Variants in CSGALNACT1 observed in about 807,000 individuals in gnomAD.
CSGALNACT1 encodes the protein beta4GalNAcT-1.
CSGALNACT1 carries 52 observed loss-of-function variants against 51.0 expected under a neutral mutation model. The ratio of observed to expected loss-of-function variants is 1.02; its 90% confidence interval spans 0.82 to 1.29. The LOEUF is 1.29. CSGALNACT1 is among the 50% of genes most tolerant of loss of function. The probability of loss-of-function intolerance (pLI) is 0.00; values close to 1 mark genes in which losing one functional copy is unlikely to be tolerated. For synonymous variants in CSGALNACT1, 341 were observed against 254.4 expected (o/e 1.34, Z -3.24); for missense variants, 935 against 679.2 (o/e 1.38, Z -4.19).
At chr8:19,756,448 T>C (rs911188376) in intron 1 of CSGALNACT1, among the ~76,000 whole-genome samples, 1 of 152,222 alleles carries the variant, frequency 6.6e-6, no homozygotes, top group Non-Finnish European at 1.5e-5. Flanking sequence ...TTTCTCACCA[T>C]TCTTTGCTCA....
At position 19,711,134 on chromosome 8, in the gene CSGALNACT1, A is replaced by G. The variant is rs376235962; in HGVS notation, c.-297+46716T>C. On this transcript the variant is annotated intron_variant, in intron 1 of 1. Transcript: ENST00000517494. ...AAAGGCAACATAGCTTTAGATTTTT[A>G]TATGTCTTTAAAGGATAATTCATAG... is the stretch of plus-strand genomic sequence containing the variant. Among the ~76,000 whole-genome samples, 29 of 152,290 alleles carry G rather than the reference A, an allele frequency of 1.9e-4. 1 individual carries two copies. In the South Asian group the frequency reaches 6.0e-3, roughly 32 times the overall value.
At chr8:19,423,756 A>T (rs1204408174) in intron 6 of CSGALNACT1, among the ~76,000 whole-genome samples, 1 of 152,204 alleles carries the variant, frequency 6.6e-6, no homozygotes, top group Non-Finnish European at 1.5e-5. Context: ...ATATGGCCTA[A>T]TGCAAAAGGC....
At chr8:19,417,012 TG>T (rs1447463146) in intron 8 of CSGALNACT1, among the ~76,000 whole-genome samples, 1 of 152,116 alleles carries the variant, frequency 6.6e-6, no homozygotes, top group Non-Finnish European at 1.5e-5. Context: ...TGTGCCACTA[TG>T]CACGCCTAAT....
At chr8:19,513,917 A>G (rs1385889255) in intron 3 of CSGALNACT1, among the ~76,000 whole-genome samples, 1 of 152,178 alleles carries the variant, frequency 6.6e-6, no homozygotes, top group Non-Finnish European at 1.5e-5. Flanking sequence ...ACATAACTAT[A>G]CTTTCAAAGA....
chr8:19,720,288 G>C (rs2063048170), intron 1 of CSGALNACT1, among the ~76,000 whole-genome samples: 1 of 152,162 alleles, frequency 6.6e-6, no homozygotes, highest in African/African-American at 2.4e-5. Context: ...TAATAAGAGA[G>C]ATAAATAAGA....
intron 3 of CSGALNACT1, among the ~76,000 whole-genome samples, chr8:19,555,288 G>A (rs966700239): frequency 6.6e-6 from 1 of 151,968 alleles, no homozygotes; most frequent in Admixed American, 6.6e-5. Flanking sequence ...TCAGTTATAG[G>A]AGTTAAAAGC....
At chr8:19,534,198 T>C (rs1363342959) in intron 3 of CSGALNACT1, among the ~76,000 whole-genome samples, 2 of 152,198 alleles carry the variant, frequency 1.3e-5, no homozygotes, top group African/African-American at 4.8e-5. Flanking sequence ...ACATCTGTAA[T>C]TCCAGCACTT....
At chr8:19,656,753 G>C (rs993919658) in intron 1 of CSGALNACT1, among the ~76,000 whole-genome samples, 8 of 152,210 alleles carry the variant, frequency 5.3e-5, no homozygotes, top group African/African-American at 1.9e-4. Context: ...TTTAAAAATA[G>C]CTAAATAGAA....
intron 1 of CSGALNACT1, among the ~76,000 whole-genome samples, chr8:19,627,352 C>T (rs1244400071): frequency 3.3e-5 from 5 of 152,184 alleles, no homozygotes; most frequent in Middle Eastern, 3.4e-3. Context: ...GATGGATCCA[C>T]GGCTGCTGGA....
Position 19,499,206 on chromosome 8 carries a change from T to C in CSGALNACT1, c.634+5995A>G, listed in dbSNP as rs114893345. ...CATATCTTCTAGGAAGCCTGTCCTA[T>C]ACTCTGGGCTTGCGTAGATGCCCCT... is the stretch of plus-strand genomic sequence containing the variant. On this transcript the variant is annotated intron_variant, in intron 4 of 9. Coordinates refer to ENST00000454498, the Ensembl canonical transcript of CSGALNACT1. 8.7e-3 allele frequency among the ~76,000 whole-genome samples: 1,332 copies of C among 152,358 alleles called. 19 individuals carry two copies. The highest frequency in any genetic ancestry group is 0.03 in the African/African-American group (1,240 of 41,584).
intron 6 of CSGALNACT1, among the ~76,000 whole-genome samples, chr8:19,423,297 A>G (rs1177695620): frequency 6.6e-6 from 1 of 152,238 alleles, no homozygotes; most frequent in East Asian, 1.9e-4. Flanking sequence ...ATGTTGAGTA[A>G]TTAAATAAGA....
rs532036852 is a variant in CSGALNACT1, at chr8:19,426,977, T to C, written c.954-6459A>G. 9.1e-4 allele frequency among the ~76,000 whole-genome samples: 138 copies of C among 152,364 alleles called. 1 individual carries two copies. Among genetic ancestry groups the C allele is most frequent in the African/African-American group, 3.2e-3 (135 of 41,596 alleles). On this transcript the variant is annotated intron_variant, in intron 6 of 9. Transcript: ENST00000454498. The stretch of plus-strand genomic sequence containing the variant: ...ACTAGTATTATATCCAATGTATGAT[T>C]TTAAATCTCACAGCTCTAAATACTG...
At chr8:19,592,411 A>G (rs943259159) in intron 2 of CSGALNACT1, among the ~76,000 whole-genome samples, 1 of 152,246 alleles carries the variant, frequency 6.6e-6, no homozygotes, top group South Asian at 2.1e-4. Context: ...ATATTTATTT[A>G]TGTACGTATA....
intron 1 of CSGALNACT1, among the ~76,000 whole-genome samples, chr8:19,632,346 G>A (rs932586805): frequency 1.3e-5 from 2 of 152,224 alleles, no homozygotes; most frequent in Admixed American, 6.5e-5. Flanking sequence ...GTAAAAACAA[G>A]CGCTTTCTCA....
intron 1 of CSGALNACT1, among the ~76,000 whole-genome samples, chr8:19,728,316 G>A (rs1158664448): frequency 1.3e-5 from 2 of 151,998 alleles, no homozygotes; most frequent in Non-Finnish European, 2.9e-5. Flanking sequence ...CAATTTTTAT[G>A]GAAAAAATTA....
chr8:19,602,496 G>T (rs1226738680), upstream of CSGALNACT1: 2 of 152,522 alleles, frequency 1.3e-5, no homozygotes, highest in East Asian at 3.8e-4. Context: ...GAGCGCATCT[G>T]CCCACAGCGC....
chr8:19,487,892 C>T (rs1211907664), intron 4 of CSGALNACT1, among the ~76,000 whole-genome samples: 1 of 148,980 alleles, frequency 6.7e-6, no homozygotes, highest in Non-Finnish European at 1.5e-5. Flanking sequence ...AAAATTCTCA[C>T]TTCAAGATAT....
At chr8:19,568,584 C>T (rs2042362907) in intron 3 of CSGALNACT1, among the ~76,000 whole-genome samples, 1 of 152,072 alleles carries the variant, frequency 6.6e-6, no homozygotes, top group African/African-American at 2.4e-5. Context: ...AACAAAAGGA[C>T]TTTAAATTCT....
At position 19,654,888 on chromosome 8, in the gene CSGALNACT1, G is replaced by A. The variant is rs376372636; in HGVS notation, c.-544+27585C>T. On this transcript the variant is annotated intron_variant, in intron 1 of 9. Transcript: ENST00000332246. ...TAAAGTAAAATTTTTCATAAGTATC[G>A]AATAAAGCAAAATATTAGTAATCAA... 1.8e-3 allele frequency among the ~76,000 whole-genome samples: 270 copies of A among 151,718 alleles called. 3 individuals are homozygous for A. The highest frequency in any genetic ancestry group is 6.0e-3 in the African/African-American group (248 of 41,378).
Sources: allele counts gnomAD v4.1 joint callset (sites outside exome capture counted in the v4.1 genomes callset), GRCh38; gene constraint gnomAD v4.1.1; transcripts MANE v1.5; gene names NCBI Gene and HGNC (gene_info 2026-07-23, HGNC 2026-07-21).